OR1J2: variants seen among roughly 807,000 people sequenced by gnomAD.
OR1J2 encodes the protein olfactory receptor 1J2.
For synonymous variants in OR1J2, 142 were observed against 99.7 expected (o/e 1.42, Z -2.52); for missense variants, 304 against 246.1 (o/e 1.24, Z -1.57).
the OR1J2 span, among the ~76,000 whole-genome samples, chr9:122,538,562 C>T: frequency 6.6e-6 from 1 of 152,274 alleles, no homozygotes; most frequent in Non-Finnish European, 1.5e-5. Context: ...GGTGTAAGAT[C>T]ATGTCATCAG....
At chr9:122,551,661 G>T in the OR1J2 span, among the ~76,000 whole-genome samples, 2 of 152,070 alleles carry the variant, frequency 1.3e-5, no homozygotes, top group African/African-American at 4.8e-5. Flanking sequence ...CCACATTTGA[G>T]ATCTTAACCC....
chr9:122,469,381 G>A, the OR1J2 span, among the ~76,000 whole-genome samples: 19 of 152,104 alleles, frequency 1.2e-4, no homozygotes, highest in African/African-American at 3.4e-4. Flanking sequence ...CTACTTTTGC[G>A]TCTTCCTCAT....
At chr9:122,500,359 C>T in the OR1J2 span, among the ~76,000 whole-genome samples, 1 of 152,106 alleles carries the variant, frequency 6.6e-6, no homozygotes, top group African/African-American at 2.4e-5. Flanking sequence ...CGTACTGGAG[C>T]TTTACTCACT....
the OR1J2 span, among the ~76,000 whole-genome samples, chr9:122,557,198 C>T: frequency 2.0e-5 from 3 of 152,054 alleles, no homozygotes; most frequent in Admixed American, 6.5e-5. Flanking sequence ...TTTATTCCTT[C>T]TGAATCTGTA....
At chr9:122,579,715 ACATTTT>A in the OR1J2 span, among the ~76,000 whole-genome samples, 1 of 152,224 alleles carries the variant, frequency 6.6e-6, no homozygotes, top group African/African-American at 2.4e-5. Context: ...GATTAAGTCT[ACATTTT>A]ATTATCTGTT....
At chr9:122,490,476 G>T in the OR1J2 span, among the ~76,000 whole-genome samples, 1 of 152,158 alleles carries the variant, frequency 6.6e-6, no homozygotes, top group Non-Finnish European at 1.5e-5. Context: ...TATTTTGTGT[G>T]TGTCTTTTCT....
chr9:122,539,543 T>C, the OR1J2 span, among the ~76,000 whole-genome samples: 1 of 152,234 alleles, frequency 6.6e-6, no homozygotes, highest in Admixed American at 6.5e-5. Context: ...GTTCCAAGTC[T>C]TTGCTATTGT....
the OR1J2 span, among the ~76,000 whole-genome samples, chr9:122,485,306 G>A: frequency 4.6e-4 from 70 of 152,220 alleles, 1 homozygote; most frequent in East Asian, 0.012. Context: ...CCAGAAACAC[G>A]TGAAAGCTAG....
At chr9:122,518,627 GT>G in the OR1J2 span, among the ~76,000 whole-genome samples, 3 of 151,976 alleles carry the variant, frequency 2.0e-5, no homozygotes, top group Admixed American at 6.6e-5. Context: ...CAATAGACAA[GT>G]TTTTTTTCTC....
the OR1J2 span, among the ~76,000 whole-genome samples, chr9:122,488,425 C>T: frequency 6.6e-6 from 1 of 152,334 alleles, no homozygotes. Context: ...AGGCGTGAGC[C>T]ACCGCTCCTG....
chr9:122,554,252 AG>A, the OR1J2 span: 2 of 977,454 alleles, frequency 2.0e-6, no homozygotes. Flanking sequence ...TGTTGATATT[AG>A]GGGAAGGTTA....
the OR1J2 span, among the ~76,000 whole-genome samples, chr9:122,535,658 G>A: frequency 3.3e-5 from 5 of 152,098 alleles, no homozygotes; most frequent in Admixed American, 6.5e-5. Context: ...ACCTGAGGTC[G>A]TAGGTGGATC....
the OR1J2 span, among the ~76,000 whole-genome samples, chr9:122,474,024 A>G: frequency 6.6e-6 from 1 of 152,204 alleles, no homozygotes; most frequent in Admixed American, 6.5e-5. Context: ...GTTGAAACTC[A>G]GTTACATAAA....
At chr9:122,454,525 A>AG in the OR1J2 span, among the ~76,000 whole-genome samples, 2 of 151,816 alleles carry the variant, frequency 1.3e-5, no homozygotes, top group Admixed American at 6.5e-5. Context: ...CTAAAAAAAA[A>AG]AAAGTCACCT....
the OR1J2 span, among the ~76,000 whole-genome samples, chr9:122,573,884 A>G: frequency 1.3e-5 from 2 of 152,284 alleles, no homozygotes; most frequent in South Asian, 4.1e-4. Flanking sequence ...TGCATCTTAT[A>G]TTTAGGACTA....
the OR1J2 span, among the ~76,000 whole-genome samples, chr9:122,579,604 C>T: frequency 6.6e-6 from 1 of 152,162 alleles, no homozygotes; most frequent in African/African-American, 2.4e-5. Flanking sequence ...AGAATTCTTC[C>T]TTTTTAATTA....
the OR1J2 span, among the ~76,000 whole-genome samples, chr9:122,480,379 A>G: frequency 2.0e-5 from 3 of 152,160 alleles, no homozygotes; most frequent in East Asian, 1.9e-4. Context: ...AAATAATACT[A>G]TATCCCTACC....
At chr9:122,503,136 C>T in the OR1J2 span, among the ~76,000 whole-genome samples, 5 of 152,216 alleles carry the variant, frequency 3.3e-5, no homozygotes, top group South Asian at 1.0e-3. Flanking sequence ...ATTGTACCAC[C>T]TCCTTCACAA....
Position 122,511,069 on chromosome 9 carries a change from A to G in OR1J2, c.268A>G (p.Lys90Glu). Residue 90 changes from lysine (K) to glutamate (E), a missense_variant, in exon 1 of 1, where the codon AAA (lysine) becomes GAA (glutamate). Transcript: ENST00000335302. Reference sequence around the variant, plus strand: ...GCTGATGGACATGCGGACTAAGTACAAATCGATCCTCTATGAGGAATGCAT... The same window carrying G: ...GCTGATGGACATGCGGACTAAGTACGAATCGATCCTCTATGAGGAATGCAT... The part of the protein sequence containing the change: ...KMLMDMRTKY[K>E]SILYEECISQ... 5 of 1,322,088 alleles carry G rather than the reference A, an allele frequency of 3.8e-6. No homozygotes were observed. The highest frequency in any genetic ancestry group is 5.4e-6 in the Non-Finnish European group (5 of 926,006). The allele number at this position is 1,322,088 out of a possible 1,614,324, so 81.9% of individuals were successfully genotyped here. A position where few individuals can be genotyped will look rare whatever the true frequency, so the allele number is the denominator to read the frequency against.
Sources: gnomAD v4.1 joint callset for allele counts (sites outside exome capture counted in the v4.1 genomes callset) on GRCh38, gnomAD v4.1.1 for gene constraint, MANE v1.5 for transcripts, NCBI Gene and HGNC (gene_info 2026-07-23, HGNC 2026-07-21) for gene names.